The following SOX5 variants were observed in gnomAD, a reference collection of about 807,000 sequenced individuals.
SOX5 encodes transcription factor SOX-5.
A neutral mutation model predicts 92.0 loss-of-function variants in SOX5; 9 were observed. The ratio of observed to expected loss-of-function variants is 0.10; its 90% CI spans 0.06 to 0.17. The LOEUF (loss-of-function observed/expected upper bound fraction) is 0.17, where lower values mean the gene tolerates loss of function less well. Ranked by LOEUF, SOX5 falls within the 10% of genes least tolerant of loss-of-function variation. SOX5 has a pLI of 1.00. For missense variants in SOX5, 642 were observed against 944.5 expected (o/e 0.68, Z 4.20); for synonymous variants, 344 against 336.3 (o/e 1.02, Z -0.25).
chr12:23,752,504 C>T (rs1005706654), intron 4 of SOX5, among the ~76,000 whole-genome samples: 3 of 151,750 alleles, frequency 2.0e-5, no homozygotes, highest in Admixed American at 6.6e-5. Flanking sequence ...TAGTTAAAGC[C>T]GACATGGATC....
At chr12:24,219,024 G>C (rs1355568474) in intron 3 of SOX5, among the ~76,000 whole-genome samples, 1 of 152,006 alleles carries the variant, frequency 6.6e-6, no homozygotes, top group Non-Finnish European at 1.5e-5. Context: ...GGAAATCATA[G>C]ACATTTTAGA....
intron 1 of SOX5, among the ~76,000 whole-genome samples, chr12:24,396,993 AC>A (rs1960192227): frequency 6.6e-6 from 1 of 152,230 alleles, no homozygotes; most frequent in Non-Finnish European, 1.5e-5. Flanking sequence ...TATGTTTGAA[AC>A]TTACTATTTG....
At chr12:24,367,982 G>C (rs1056372766) in intron 2 of SOX5, 3 of 152,020 alleles carry the variant, frequency 2.0e-5, no homozygotes, top group African/African-American at 7.2e-5. Context: ...CATCCTGCAT[G>C]GTTACTGTAA....
chr12:23,575,459 A>AT (rs1948967222), intron 10 of SOX5, among the ~76,000 whole-genome samples: 1 of 152,198 alleles, frequency 6.6e-6, no homozygotes, highest in Non-Finnish European at 1.5e-5. Flanking sequence ...ACACAATTAG[A>AT]TTTTCAGGAG....
chr12:23,904,870 A>G (rs957507849), intron 1 of SOX5, among the ~76,000 whole-genome samples: 1 of 152,274 alleles, frequency 6.6e-6, no homozygotes, highest in African/African-American at 2.4e-5. Flanking sequence ...CTTTGCTAGC[A>G]TCACTACTTT....
At chr12:23,560,189 G>A (rs915952687) in intron 11 of SOX5, among the ~76,000 whole-genome samples, 7 of 152,260 alleles carry the variant, frequency 4.6e-5, no homozygotes, top group Admixed American at 2.6e-4. Context: ...GATTACAGGC[G>A]TTTGAGTCAC....
intron 4 of SOX5, among the ~76,000 whole-genome samples, chr12:24,201,644 C>T (rs1957529117): frequency 6.6e-6 from 1 of 152,216 alleles, no homozygotes; most frequent in Non-Finnish European, 1.5e-5. Context: ...TGCTAACTCT[C>T]AAGTTGCTAT....
chr12:24,132,121 C>A (rs900555762), intron 4 of SOX5, among the ~76,000 whole-genome samples: 1 of 152,150 alleles, frequency 6.6e-6, no homozygotes, highest in Non-Finnish European at 1.5e-5. Flanking sequence ...AGGCTTACTT[C>A]AGTTACATTC....
intron 6 of SOX5, among the ~76,000 whole-genome samples, chr12:23,718,537 T>C (rs2092636553): frequency 6.6e-6 from 1 of 152,198 alleles, no homozygotes; most frequent in South Asian, 2.1e-4. Context: ...AATACAATGT[T>C]TTTATAAACC....
In SOX5 at chr12:24,075,364, TTAAATGAAAACTCAATATTATATTTGTCA is replaced by T. The variant is rs553979791; in HGVS notation, c.-2+137950_-2+137978del. Among the ~76,000 whole-genome samples, 55 of 151,400 alleles carry T rather than the reference TTAAATGAAAACTCAATATTATATTTGTCA, an allele frequency of 3.6e-4. No homozygotes were observed. In the East Asian group the frequency reaches 9.9e-3, roughly 27 times the overall value. On this transcript the variant is annotated intron_variant, in intron 4 of 4. Coordinates refer to the SOX5 transcript ENST00000446891. ...CCTAATTTTTTATAGCACATAAGTC[TTAAATGAAAACTCAATATTATATTTGTCA>T]ATATGTTTTGAGAAATGAGAGGCTA...
intron 4 of SOX5, among the ~76,000 whole-genome samples, chr12:24,186,444 C>T (rs890780446): frequency 1.3e-5 from 2 of 152,038 alleles, no homozygotes; most frequent in Non-Finnish European, 2.9e-5. Flanking sequence ...TGATAGTTCA[C>T]TCAACACAAG....
chr12:24,507,353 G>A (rs1374842335), intron 1 of SOX5, among the ~76,000 whole-genome samples: 2 of 151,388 alleles, frequency 1.3e-5, no homozygotes, highest in African/African-American at 2.4e-5. Context: ...ATCAAACCTC[G>A]AAAGCTAATT....
At chr12:24,034,527 T>C (rs1055615456) in intron 4 of SOX5, among the ~76,000 whole-genome samples, 1 of 151,320 alleles carries the variant, frequency 6.6e-6, no homozygotes, top group African/African-American at 2.4e-5. Context: ...CAAAACTGAA[T>C]TCTCTTCTGC....
chr12:23,966,225 AAAAAAAAAAAAAAAAAG>A (rs1947559666), intron 4 of SOX5, among the ~76,000 whole-genome samples: 1 of 137,880 alleles, frequency 7.3e-6, no homozygotes, highest in Non-Finnish European at 1.6e-5. Flanking sequence ...AAAAAAAAAA[AAAAAAAAAAAAAAAAAG>A]CTGTTTGGGT....
At chr12:24,395,645 A>T (rs1367266688) in intron 1 of SOX5, among the ~76,000 whole-genome samples, 1 of 152,218 alleles carries the variant, frequency 6.6e-6, no homozygotes, top group Non-Finnish European at 1.5e-5. Context: ...CATTCTCCTC[A>T]TGGAAAGAAA....
At chr12:23,791,494 T>C (rs2095474211) in intron 3 of SOX5, among the ~76,000 whole-genome samples, 1 of 152,160 alleles carries the variant, frequency 6.6e-6, no homozygotes, top group South Asian at 2.1e-4. Context: ...GATAATTGTG[T>C]TTCAGAGCAT....
intron 13 of SOX5, among the ~76,000 whole-genome samples, chr12:23,541,112 TTATAA>T (rs1012918231): frequency 1.6e-4 from 24 of 152,344 alleles, no homozygotes; most frequent in African/African-American, 5.3e-4. Context: ...ATGTTGTCTA[TTATAA>T]TATAATCATA....
At chr12:24,357,580 C>T (rs11047389) in intron 2 of SOX5, 60,319 of 152,316 alleles carry the variant, frequency 0.4, 13,358 homozygotes, top group East Asian at 0.79. Context: ...CGGTGGCTCA[C>T]ACCTGTAATC....
At chr12:24,244,048 T>TAAAAAAAAAAAAAAAAAAAAAAAAAAA (rs3031151) in intron 3 of SOX5, among the ~76,000 whole-genome samples, 1 of 131,602 alleles carries the variant, frequency 7.6e-6, no homozygotes, top group Non-Finnish European at 1.7e-5. Context: ...GGCATATTGA[T>TAAAAAAAAAAAAAAAAAAAAAAAAAAA]AAAAAAAAAA....
Sources: allele counts gnomAD v4.1 joint callset (sites outside exome capture counted in the v4.1 genomes callset), GRCh38; gene constraint gnomAD v4.1.1; transcripts MANE v1.5; gene names NCBI Gene and HGNC (gene_info 2026-07-23, HGNC 2026-07-21).